The following DOK7 variants were observed in gnomAD, a reference collection of about 807,000 sequenced individuals.
The protein encoded by DOK7 is protein Dok-7.
Under a neutral mutation model 30.7 loss-of-function variants are expected in DOK7, and 32 were observed. The observed-to-expected ratio is 1.04, with a 90% CI of 0.79 to 1.40. DOK7 has a LOEUF of 1.40. DOK7 is among the 40% of genes most tolerant of loss of function. DOK7 has a pLI of 0.00. For synonymous variants in DOK7, 447 were observed against 324.1 expected (o/e 1.38, Z -4.07); for missense variants, 1,007 against 699.2 (o/e 1.44, Z -4.97).
chr4:3,468,514 G>A (rs555622314), intron 2 of DOK7, among the ~76,000 whole-genome samples: 7 of 144,852 alleles, frequency 4.8e-5, no homozygotes, highest in African/African-American at 1.9e-4. Flanking sequence ...GTGTGTGCGT[G>A]TATGAGTGTG....
At chr4:3,485,923 A>C (rs1423542683) in intron 5 of DOK7, among the ~76,000 whole-genome samples, 1 of 152,130 alleles carries the variant, frequency 6.6e-6, no homozygotes, top group Non-Finnish European at 1.5e-5. Context: ...TTGGCCCTAG[A>C]GCTTTCTGGC....
chr4:3,464,446 G>A (rs2109314394), intron 2 of DOK7, among the ~76,000 whole-genome samples: 1 of 152,328 alleles, frequency 6.6e-6, no homozygotes, highest in Non-Finnish European at 1.5e-5. Context: ...TCTCCACTCA[G>A]CCCTCCGTGC....
At chr4:3,479,182 C>G (rs971837596) in intron 4 of DOK7, among the ~76,000 whole-genome samples, 2 of 152,230 alleles carry the variant, frequency 1.3e-5, no homozygotes, top group African/African-American at 4.8e-5. Flanking sequence ...GCTGGTGGCC[C>G]CGGCGGCCTC....
chr4:3,493,520 C>G lies in DOK7; in HGVS notation c.*19C>G, dbSNP rs927855836. ...TCCTTGAGAGCCGCAGATCCCGCCC[C>G]GCGGCTGCAAAGGGGCTGAATTTGC... On this transcript the variant is annotated 3_prime_UTR_variant, in exon 7 of 7. Transcript: ENST00000340083. 2 of 1,608,392 alleles carry G rather than the reference C, an allele frequency of 1.2e-6. No homozygotes were observed.
chr4:3,491,077 C>A (rs866507686), intron 6 of DOK7, among the ~76,000 whole-genome samples: 36 of 114,120 alleles, frequency 3.2e-4, no homozygotes, highest in African/African-American at 1.2e-3. Flanking sequence ...TTCCTTCCTT[C>A]TCCCCACTCC....
Position 3,493,224 on chromosome 4 carries a change from T to C in DOK7, c.1238T>C (p.Leu413Pro), listed in dbSNP as rs750640549. The change falls in exon 7 of 7, where the codon CTG becomes CCG. Residue 413 changes from leucine (L) to proline (P), a missense_variant. Physicochemically the swap from Leu to Pro is moderately conservative, Grantham distance 98 (BLOSUM62 -3). Transcript: ENST00000340083. ...TATGACACACCACGCAGCCTTTGCCTGGCTCCTAGAGACCACAGCCCCCCC... is the reference window on the plus strand; with the variant it reads ...TATGACACACCACGCAGCCTTTGCCCGGCTCCTAGAGACCACAGCCCCCCC... Reference protein sequence around the residue: ...AHYDTPRSLCLAPRDHSPPSQ... With the variant: ...AHYDTPRSLCPAPRDHSPPSQ... 8.7e-6 allele frequency: 14 copies of C among 1,611,958 alleles called. No homozygotes were observed. In the African/African-American group the frequency reaches 1.2e-4, roughly 14 times the overall value.
chr4:3,490,398 CCTTCT>C (rs1728219883), intron 6 of DOK7, among the ~76,000 whole-genome samples: 1 of 71,340 alleles, frequency 1.4e-5, no homozygotes, highest in Non-Finnish European at 2.9e-5. Context: ...CTCATTCAGT[CCTTCT>C]TTCACCCCCC....
chr4:3,489,543 G>T, intron 5 of DOK7, 134 bp from the exon 6 acceptor site: 1 of 1,414,164 alleles, frequency 7.1e-7, no homozygotes, highest in Non-Finnish European at 9.7e-7. Flanking sequence ...TGAGGCATCG[G>T]GAGGAGCGGG....
intron 4 of DOK7, among the ~76,000 whole-genome samples, chr4:3,483,745 GGGCTGTGCC>G (rs1378250017): frequency 1.3e-5 from 2 of 152,214 alleles, no homozygotes; most frequent in Non-Finnish European, 2.9e-5. Context: ...GTGAGAGCTG[GGGCTGTGCC>G]GGCTGAGCCC....
At chr4:3,499,191 G>A (rs548055406), downstream of DOK7, among the ~76,000 whole-genome samples, 1 of 152,354 alleles carries the variant, frequency 6.6e-6, no homozygotes, top group East Asian at 1.9e-4. Context: ...CCCCTGGACA[G>A]GCAGGTGTTT....
Position 3,492,953 on chromosome 4 carries a change from C to A in DOK7, c.967C>A (p.Arg323Ser), listed in dbSNP as rs150728781. Residue 323 changes from arginine (R) to serine (S), a missense_variant, in exon 7 of 7, where the codon CGT becomes AGT. Coordinates refer to ENST00000340083, the MANE Select transcript of DOK7 (RefSeq NM_173660.5). ...CTCAAGGCCACCCCCCAAGCCGCTG[C>A]GTCCGCGGCAGCTGCAGGAGGTTGG... ...GASRPPPKPL[R>S]PRQLQEVGRQ... The A allele has an allele frequency of 5.2e-6, 8 of 1,553,318 alleles. No homozygotes were observed. Among genetic ancestry groups the A allele is most frequent in the South Asian group, 1.2e-5 (1 of 85,348 alleles).
chr4:3,481,516 C>A (rs1200355555), intron 4 of DOK7, among the ~76,000 whole-genome samples: 1 of 152,100 alleles, frequency 6.6e-6, no homozygotes, highest in African/African-American at 2.4e-5. Context: ...AGCCAACACC[C>A]ACTGCCAGGC....
intron 5 of DOK7, 48 bp from the exon 6 acceptor site, chr4:3,489,629 G>A: frequency 1.3e-6 from 2 of 1,556,022 alleles, no homozygotes; most frequent in Non-Finnish European, 1.7e-6. Flanking sequence ...GCGGGCGAGG[G>A]TGGGCGGTGG....
chr4:3,481,735 C>G (rs1727455827), intron 4 of DOK7, among the ~76,000 whole-genome samples: 1 of 152,182 alleles, frequency 6.6e-6, no homozygotes, highest in African/African-American at 2.4e-5. Context: ...ACTTAAGATT[C>G]TGACATCAAG....
chr4:3,479,908 G>A lies in DOK7; in HGVS notation c.532+3366G>A, dbSNP rs543437680. Among the ~76,000 whole-genome samples, 12 of 152,348 alleles carry A rather than the reference G, an allele frequency of 7.9e-5. No homozygotes were observed. In the East Asian group the frequency reaches 2.3e-3, roughly 29 times the overall value. On this transcript the variant is annotated intron_variant, in intron 4 of 6. Coordinates refer to ENST00000340083, the MANE Select transcript of DOK7 (RefSeq NM_173660.5). Reference sequence around the variant, plus strand: ...TGGACTCCTGGAGCTTGGCCCGAGCGCACTTGGCACATGGCAGGCGACGGT... The same window carrying A: ...TGGACTCCTGGAGCTTGGCCCGAGCACACTTGGCACATGGCAGGCGACGGT...
In DOK7 at chr4:3,494,377, A is replaced by G; in HGVS notation, c.*876A>G. 1.0e-6 allele frequency: 1 copy of G among 985,510 alleles called. No homozygotes were observed. The highest frequency in any genetic ancestry group is 1.2e-6 in the Non-Finnish European group (1 of 829,994). The allele number at this position is 985,510 out of a possible 1,614,324, so 61.0% of individuals were successfully genotyped here. ...GCACAGCCTGGAGCCTGCCCTGACC[A>G]CAGCCCAGCAGCTCCCTGTGAACAC... On this transcript the variant is annotated 3_prime_UTR_variant, in exon 7 of 7. Coordinates refer to ENST00000340083, the MANE Select transcript of DOK7 (RefSeq NM_173660.5).
At chr4:3,492,018 G>A (rs1010533927) in intron 6 of DOK7, among the ~76,000 whole-genome samples, 17 of 152,230 alleles carry the variant, frequency 1.1e-4, no homozygotes, top group Admixed American at 2.0e-4. Context: ...AGGGGACTCA[G>A]GTTTGCAATA....
intron 5 of DOK7, 112 bp downstream of exon 5, chr4:3,485,770 C>T (rs1727740822): frequency 3.0e-6 from 4 of 1,333,578 alleles, no homozygotes; most frequent in African/African-American, 3.0e-5. Flanking sequence ...CCAGCCTCCC[C>T]ACCCCCAGCT....
rs1728693723 is a variant in DOK7, at chr4:3,493,559, A to G, written c.*58A>G. 6.3e-7 allele frequency: 1 copy of G among 1,581,196 alleles called. No homozygotes were observed. Among genetic ancestry groups the G allele is most frequent in the African/African-American group, 1.3e-5 (1 of 74,100 alleles). Reference sequence around the variant, plus strand: ...GGCTGAATTTGCCCCCAGATGGCAGAGGAAGTGGCGCCAGCCTCCTTGCAG... The same window carrying G: ...GGCTGAATTTGCCCCCAGATGGCAGGGGAAGTGGCGCCAGCCTCCTTGCAG... On this transcript the variant is annotated 3_prime_UTR_variant, in exon 7 of 7. Coordinates refer to ENST00000340083, the MANE Select transcript of DOK7 (RefSeq NM_173660.5).
Sources: gnomAD v4.1 joint callset for allele counts (sites outside exome capture counted in the v4.1 genomes callset) on GRCh38, gnomAD v4.1.1 for gene constraint, MANE v1.5 for transcripts, NCBI Gene and HGNC (gene_info 2026-07-23, HGNC 2026-07-21) for gene names.